The following GRM7 variants were observed in gnomAD, a reference collection of about 807,000 sequenced individuals.
GRM7 encodes the protein glutamate metabotropic receptor 7.
Under a neutral mutation model 84.5 loss-of-function variants are expected in GRM7, and 35 were observed. The ratio of observed to expected loss-of-function variants is 0.41; its 90% CI spans 0.32 to 0.55. The LOEUF (loss-of-function observed/expected upper bound fraction) is 0.55. Among genes scored for constraint, GRM7 ranks in the 20% least tolerant of loss-of-function variants. The probability of loss-of-function intolerance (pLI) is 0.19; values close to 1 mark genes in which losing one functional copy is unlikely to be tolerated. For missense variants in GRM7, 1,003 were observed against 1,194.6 expected, an observed-to-expected ratio of 0.84 and a Z score of 2.36; for synonymous variants, 487 against 455.1, an observed-to-expected ratio of 1.07 and a Z score of -0.89.
At chr3:7,386,985 A>T (rs969856979) in intron 4 of GRM7, among the ~76,000 whole-genome samples, 3 of 151,880 alleles carry the variant, frequency 2.0e-5, no homozygotes, top group Non-Finnish European at 4.4e-5. Flanking sequence ...ATTGTATTTC[A>T]TTGTGGTTTT....
In GRM7 at chr3:7,306,651, A is replaced by G. The variant is rs753137586; in HGVS notation, c.1032A>G (p.Glu344=). 1 of 1,598,090 alleles carries G rather than the reference A, an allele frequency of 6.3e-7. No individual in the cohort carries two copies. Among genetic ancestry groups the G allele is most frequent in the East Asian group, 2.3e-5 (1 of 44,086 alleles). Reference sequence around the variant, plus strand: ...TTCAGCCCAAGCGAGCCACGGTGGAAGGTATGGGTTTCATCAGCAGTAGGT... The same window carrying G: ...TTCAGCCCAAGCGAGCCACGGTGGAGGGTATGGGTTTCATCAGCAGTAGGT... ...ITIQPKRATV[E]GFDAYFTSRT... The change falls in exon 4 of 10, where the codon GAA becomes GAG. Residue 344 remains glutamate (E), a splice_region_variant and synonymous_variant. Coordinates refer to ENST00000357716, the MANE Select transcript of GRM7 (RefSeq NM_000844.4).
At chr3:7,601,801 T>C (rs1261841840) in intron 8 of GRM7, among the ~76,000 whole-genome samples, 1 of 152,042 alleles carries the variant, frequency 6.6e-6, no homozygotes, top group Non-Finnish European at 1.5e-5. Flanking sequence ...AGACCCTAAC[T>C]CTCAAGCATG....
chr3:6,881,027 T>C (rs1414597418), intron 1 of GRM7, among the ~76,000 whole-genome samples: 5 of 152,186 alleles, frequency 3.3e-5, no homozygotes, highest in Non-Finnish European at 7.3e-5. Context: ...TTCAAGAGCC[T>C]ACCGTTTCAA....
At chr3:7,464,927 C>G (rs533966404) in intron 7 of GRM7, among the ~76,000 whole-genome samples, 2 of 151,658 alleles carry the variant, frequency 1.3e-5, no homozygotes, top group Admixed American at 1.3e-4. Flanking sequence ...ACCCAGGAGG[C>G]GGAGGTTGCA....
At chr3:7,497,499 GC>G (rs1487560084) in intron 7 of GRM7, among the ~76,000 whole-genome samples, 1 of 152,068 alleles carries the variant, frequency 6.6e-6, no homozygotes, top group Non-Finnish European at 1.5e-5. Flanking sequence ...TCAGTGCGTG[GC>G]TCGATTTATT....
In GRM7 at chr3:6,901,523, G is replaced by A. The variant is rs946803632; in HGVS notation, c.519+39616G>A. Among the ~76,000 whole-genome samples, 10 of 144,850 alleles carry A rather than the reference G, an allele frequency of 6.9e-5. No homozygotes were observed. In the East Asian group the frequency reaches 1.3e-3, roughly 19 times the overall value. On this transcript the variant is annotated intron_variant, in intron 1 of 9. Transcript: ENST00000357716. ...TGAGGCAGGAGAATCGCTGGAACCC[G>A]ATAGGTGGAGGTTGCAGTGAGCCGA...
At chr3:7,540,476 A>G (rs1692811110) in intron 7 of GRM7, among the ~76,000 whole-genome samples, 1 of 152,238 alleles carries the variant, frequency 6.6e-6, no homozygotes, top group Admixed American at 6.5e-5. Flanking sequence ...GTAGCTAGAT[A>G]CCCAAAAAAC....
At chr3:7,180,468 G>A (rs563444537) in intron 2 of GRM7, among the ~76,000 whole-genome samples, 2 of 152,124 alleles carry the variant, frequency 1.3e-5, no homozygotes, top group African/African-American at 4.8e-5. Context: ...CTAGGGTGGT[G>A]CTCAGAATGA....
intron 8 of GRM7, among the ~76,000 whole-genome samples, chr3:7,606,551 G>A (rs1237119401): frequency 6.6e-6 from 1 of 151,982 alleles, no homozygotes; most frequent in Non-Finnish European, 1.5e-5. Flanking sequence ...CTTTTTGGGG[G>A]GACAAGGTCT....
intron 7 of GRM7, among the ~76,000 whole-genome samples, chr3:7,523,494 T>C (rs1700678535): frequency 6.6e-6 from 1 of 152,152 alleles, no homozygotes; most frequent in Admixed American, 6.5e-5. Context: ...GGTAGAAGTG[T>C]ACACTCCTGC....
intron 2 of GRM7, among the ~76,000 whole-genome samples, chr3:7,210,348 A>G (rs1187319809): frequency 6.6e-6 from 1 of 152,218 alleles, no homozygotes; most frequent in Non-Finnish European, 1.5e-5. Flanking sequence ...GCTATCTTAT[A>G]AAGCCTTAGT....
chr3:7,113,783 A>T (rs1264928450), intron 1 of GRM7, among the ~76,000 whole-genome samples: 1 of 152,178 alleles, frequency 6.6e-6, no homozygotes, highest in Non-Finnish European at 1.5e-5. Context: ...CATCACCAGA[A>T]TTCTGGTGCA....
intron 2 of GRM7, among the ~76,000 whole-genome samples, chr3:7,226,857 C>T (rs1696999425): frequency 6.6e-6 from 1 of 152,092 alleles, no homozygotes; most frequent in African/African-American, 2.4e-5. Flanking sequence ...TTTTAAGGGT[C>T]TTTATTATTT....
rs544954045 is a variant in GRM7 at position 7,076,756 on chromosome 3, C to G, written c.520-69696C>G. Among the ~76,000 whole-genome samples, 17 of 152,098 alleles carry G rather than the reference C, an allele frequency of 1.1e-4. 2 individuals carry two copies. In the South Asian group the frequency reaches 3.5e-3, roughly 31 times the overall value. ...AATATATCATAAAGAAAAAATTGTG[C>G]TATATAATAAAAGAAACTATCATCA... On this transcript the variant is annotated intron_variant, in intron 1 of 9. Coordinates refer to ENST00000357716, the MANE Select transcript of GRM7 (RefSeq NM_000844.4).
intron 1 of GRM7, among the ~76,000 whole-genome samples, chr3:6,898,755 C>G (rs1165241397): frequency 2.0e-5 from 3 of 151,324 alleles, no homozygotes; most frequent in Non-Finnish European, 4.4e-5. Context: ...AGGAAGATCA[C>G]TTGAGCCCAG....
chr3:7,380,642 C>T (rs369594542), intron 4 of GRM7, among the ~76,000 whole-genome samples: 1 of 152,166 alleles, frequency 6.6e-6, no homozygotes, highest in Non-Finnish European at 1.5e-5. Context: ...GTGATGAGGG[C>T]TCCAGGCCCT....
chr3:7,545,947 A>AT (rs1443920328), intron 7 of GRM7, among the ~76,000 whole-genome samples: 11 of 152,198 alleles, frequency 7.2e-5, no homozygotes, highest in Non-Finnish European at 1.3e-4. Flanking sequence ...TTTCTTCCTA[A>AT]TAATAGTACT....
intron 2 of GRM7, among the ~76,000 whole-genome samples, chr3:7,210,937 A>G (rs987835101): frequency 2.0e-5 from 3 of 152,174 alleles, no homozygotes; most frequent in African/African-American, 7.2e-5. Flanking sequence ...AATGAAAATC[A>G]CTTATTAAAT....
chr3:7,611,380 C>T (rs1192501731), intron 8 of GRM7, among the ~76,000 whole-genome samples: 4 of 152,110 alleles, frequency 2.6e-5, no homozygotes, highest in Non-Finnish European at 4.4e-5. Flanking sequence ...CATGGGGATG[C>T]AGAAGACTCC....
Sources: allele counts gnomAD v4.1 joint callset (sites outside exome capture counted in the v4.1 genomes callset), GRCh38; gene constraint gnomAD v4.1.1; transcripts MANE v1.5; gene names NCBI Gene and HGNC (gene_info 2026-07-23, HGNC 2026-07-21).